DDX10: variants seen among roughly 807,000 people sequenced by gnomAD.
DDX10 encodes probable ATP-dependent RNA helicase DDX10.
Under a neutral mutation model 104.3 loss-of-function variants are expected in DDX10, and 74 were observed. The observed-to-expected ratio is 0.71, with a 90% CI of 0.59 to 0.86. DDX10 has a LOEUF of 0.86. DDX10 is among the 40% of genes least tolerant of loss of function. The pLI, the probability that DDX10 is intolerant of heterozygous loss-of-function variation, is 0.00. For missense variants in DDX10, 952 were observed against 1,040.0 expected, an observed-to-expected ratio of 0.92 and a Z score of 1.16; for synonymous variants, 351 against 353.4, an observed-to-expected ratio of 0.99 and a Z score of 0.08.
chr11:108,819,928 A>T (rs543515857), intron 13 of DDX10, among the ~76,000 whole-genome samples: 44 of 152,278 alleles, frequency 2.9e-4, no homozygotes, highest in African/African-American at 1.0e-3. Context: ...GGGAGATTGT[A>T]GGGTCCAACA....
intron 9 of DDX10, among the ~76,000 whole-genome samples, chr11:108,694,462 C>A (rs1340884862): frequency 6.6e-6 from 1 of 152,184 alleles, no homozygotes; most frequent in African/African-American, 2.4e-5. Flanking sequence ...TTTTTCCTTT[C>A]TTCCTAGTTC....
intron 16 of DDX10, among the ~76,000 whole-genome samples, chr11:108,856,488 CA>C (rs71050894): frequency 8.0e-5 from 12 of 149,336 alleles, no homozygotes; most frequent in Admixed American, 2.7e-4. Context: ...AAAAACAAAA[CA>C]AAAAAAAAAC....
chr11:108,808,167 A>G (rs1862125995), intron 13 of DDX10, among the ~76,000 whole-genome samples: 1 of 152,184 alleles, frequency 6.6e-6, no homozygotes, highest in Admixed American at 6.5e-5. Flanking sequence ...GGAAGGAGAA[A>G]GCATAGCAAG....
intron 13 of DDX10, among the ~76,000 whole-genome samples, chr11:108,790,123 C>T (rs1861850445): frequency 6.6e-6 from 1 of 152,152 alleles, no homozygotes; most frequent in Admixed American, 6.5e-5. Context: ...CCAAATAAAT[C>T]AGTTCTTTTA....
At chr11:108,844,333 A>T (rs557374684) in intron 15 of DDX10, among the ~76,000 whole-genome samples, 14 of 152,342 alleles carry the variant, frequency 9.2e-5, no homozygotes, top group African/African-American at 3.4e-4. Context: ...TACCTGACAC[A>T]TGATTGATTT....
At chr11:108,707,429 T>A (rs1290797269) in intron 10 of DDX10, among the ~76,000 whole-genome samples, 1 of 152,250 alleles carries the variant, frequency 6.6e-6, no homozygotes, top group African/African-American at 2.4e-5. Flanking sequence ...TTCCTCCATG[T>A]CTTTTCATGG....
At chr11:108,903,767 A>G (rs964644923) in intron 16 of DDX10, among the ~76,000 whole-genome samples, 1 of 152,162 alleles carries the variant, frequency 6.6e-6, no homozygotes, top group Non-Finnish European at 1.5e-5. Flanking sequence ...ACAGATACCA[A>G]GAGACAATTT....
Position 108,809,802 on chromosome 11 carries a change from A to C in DDX10, c.1966-28644A>C, listed in dbSNP as rs182123602. Among the ~76,000 whole-genome samples, 295 of 152,330 alleles carry C rather than the reference A, an allele frequency of 1.9e-3. 2 individuals are homozygous for C. The highest frequency in any genetic ancestry group is 1.5e-3 in the South Asian group (7 of 4,826). On this transcript the variant is annotated intron_variant, in intron 13 of 17. Transcript: ENST00000322536. ...CTTGGCATACATAGTAGTCATCCAAAAAATGAATTAACAAATCTCTTTTGC... is the reference window on the plus strand; with the variant it reads ...CTTGGCATACATAGTAGTCATCCAACAAATGAATTAACAAATCTCTTTTGC...
At chr11:108,706,937 C>T (rs949354358) in intron 10 of DDX10, 100 bp downstream of exon 10, 1 of 934,088 alleles carries the variant, frequency 1.1e-6, no homozygotes, top group Non-Finnish European at 1.7e-6. Flanking sequence ...CTAATTTATT[C>T]AACTGCCTGG....
intron 13 of DDX10, among the ~76,000 whole-genome samples, chr11:108,809,319 A>C (rs1862145163): frequency 6.6e-6 from 1 of 152,276 alleles, no homozygotes; most frequent in South Asian, 2.1e-4. Context: ...GGCTTGGATG[A>C]TAAGGTAATA....
chr11:108,742,775 A>C lies in DDX10; in HGVS notation c.1965+19313A>C, dbSNP rs543997312. ...GTTATGTACACCTCTATGCGCACAA[A>C]CTGGAAAACCTAGAAGAAATGGATA... On this transcript the variant is annotated intron_variant, in intron 13 of 17. Transcript: ENST00000322536. Among the ~76,000 whole-genome samples, 89 of 152,256 alleles carry C rather than the reference A, an allele frequency of 5.8e-4. 1 individual carries two copies. Among genetic ancestry groups the C allele is most frequent in the Admixed American group, 1.6e-3 (24 of 15,294 alleles).
chr11:108,940,328 A>G lies in DDX10; in HGVS notation c.2533A>G (p.Lys845Glu), dbSNP rs1219993066. Reference sequence around the variant, plus strand: ...GGGACCAACAAGTCATAACAGAAAGAAGGCCAGGTGGGACACTTTAGAGCC... The same window carrying G: ...GGGACCAACAAGTCATAACAGAAAGGAGGCCAGGTGGGACACTTTAGAGCC... ...DVGPTSHNRK[K>E]ARWDTLEPLD... The change falls in exon 18 of 18, where the codon AAG (lysine) becomes GAG (glutamate). Residue 845 changes from lysine to glutamate, a missense_variant. Physicochemically the swap from Lys to Glu is moderately conservative, Grantham distance 56 (BLOSUM62 1). Coordinates refer to ENST00000322536, the MANE Select transcript of DDX10 (RefSeq NM_004398.4). The G allele has an allele frequency of 2.5e-6, 4 of 1,613,950 alleles. No individual in the cohort carries two copies. The East Asian group carries it at 8.9e-5, about 36-fold the overall frequency.
intron 13 of DDX10, among the ~76,000 whole-genome samples, chr11:108,812,525 C>T (rs932759476): frequency 6.6e-6 from 1 of 151,968 alleles, no homozygotes; most frequent in African/African-American, 2.4e-5. Context: ...TATATTTAAG[C>T]TATAATAGTA....
intron 13 of DDX10, among the ~76,000 whole-genome samples, chr11:108,755,885 A>C (rs78144215): frequency 0.043 from 6,467 of 152,102 alleles, 377 homozygotes; most frequent in African/African-American, 0.13. Flanking sequence ...TGTTTAATGC[A>C]TAACAGATGC....
At chr11:108,838,626 C>G in intron 14 of DDX10, 61 bp downstream of exon 14, 7 of 1,527,074 alleles carry the variant, frequency 4.6e-6, no homozygotes, top group Non-Finnish European at 6.2e-6. Context: ...GAGATCGACT[C>G]TCTCTTACTT....
intron 10 of DDX10, among the ~76,000 whole-genome samples, chr11:108,711,326 C>G (rs897418325): frequency 6.6e-6 from 1 of 152,030 alleles, no homozygotes; most frequent in Admixed American, 6.6e-5. Flanking sequence ...TTCCAGTTAC[C>G]TTTCTGCTAT....
At chr11:108,740,603 G>A (rs1196400019) in intron 13 of DDX10, among the ~76,000 whole-genome samples, 1 of 152,136 alleles carries the variant, frequency 6.6e-6, no homozygotes, top group Non-Finnish European at 1.5e-5. Flanking sequence ...ATTCCCACCA[G>A]CAGTATATAA....
intron 13 of DDX10, among the ~76,000 whole-genome samples, chr11:108,834,460 T>C (rs1434187219): frequency 1.3e-5 from 2 of 152,184 alleles, no homozygotes; most frequent in African/African-American, 4.8e-5. Flanking sequence ...AAATCTTACA[T>C]GTAACATTTG....
intron 13 of DDX10, among the ~76,000 whole-genome samples, chr11:108,811,481 A>G (rs1165076762): frequency 6.6e-6 from 1 of 152,160 alleles, no homozygotes; most frequent in East Asian, 1.9e-4. Flanking sequence ...TCCATCTCTC[A>G]GGATTTATTT....
Sources: gnomAD v4.1 joint callset for allele counts (sites outside exome capture counted in the v4.1 genomes callset) on GRCh38, gnomAD v4.1.1 for gene constraint, MANE v1.5 for transcripts, NCBI Gene and HGNC (gene_info 2026-07-23, HGNC 2026-07-21) for gene names.